Variants in VPS13C observed in about 807,000 individuals in gnomAD.
The protein encoded by VPS13C is intermembrane lipid transfer protein VPS13C.
In VPS13C, 358 loss-of-function variants were observed where a neutral mutation model predicts 456.8. The observed-to-expected ratio is 0.78, with a 90% confidence interval of 0.72 to 0.86. The LOEUF is 0.86. Ranked by LOEUF, VPS13C falls within the 40% of genes least tolerant of loss-of-function variation. The pLI, the probability that VPS13C is intolerant of heterozygous loss-of-function variation, is 0.00. For missense variants in VPS13C, 4,818 were observed against 4,385.4 expected (o/e 1.10, Z -2.79); for synonymous variants, 1,578 against 1,486.7 (o/e 1.06, Z -1.41).
intron 53 of VPS13C, among the ~76,000 whole-genome samples, chr15:61,924,079 GA>G (rs2043757915): frequency 6.6e-6 from 1 of 151,224 alleles, no homozygotes; most frequent in Non-Finnish European, 1.5e-5. Flanking sequence ...TTTTAGCCGG[GA>G]TGGTCTCGAT....
chr15:61,992,876 T>A (rs768430046), intron 16 of VPS13C, among the ~76,000 whole-genome samples: 32 of 150,348 alleles, frequency 2.1e-4, no homozygotes, highest in Non-Finnish European at 4.0e-4. Context: ...AAAGAGGTAT[T>A]TTTTTTTTAA....
In VPS13C at chr15:61,873,328, T is replaced by G; in HGVS notation, c.10496A>C (p.Gln3499Pro). The G allele has an allele frequency of 6.2e-7, 1 of 1,613,768 alleles. No individual in the cohort carries two copies. The highest frequency in any genetic ancestry group is 8.5e-7 in the Non-Finnish European group (1 of 1,179,752). The change falls in exon 78 of 85, where the codon CAG (glutamine) becomes CCG (proline). Residue 3499 changes from glutamine (Q) to proline (P), a missense_variant. Physicochemically the swap from Gln to Pro is moderately conservative, Grantham distance 76. Around this residue, in one of 3 missense-constraint regions of VPS13C, gnomAD observed 4,552 missense variants for 4,130.6 expected, o/e 1.10. Transcript: ENST00000644861. ...ACTCAACTCTTCTCTTCTTTTTTGC[T>G]GATATTCCTTGTCCATTGTAATTGC... ...LAAITMDKEY[Q>P]QKRREELSRQ...
At position 61,927,149 on chromosome 15, in the gene VPS13C, T is replaced by A; in HGVS notation, c.6458A>T (p.Asp2153Val). Reference protein sequence around the residue: ...LEQMMEASVRDLKVLACPFLR... With the variant: ...LEQMMEASVRVLKVLACPFLR... Reference sequence around the variant, plus strand: ...AAAAGGGCAAGCGAGCACTTTCAGATCTCTCACAGAAGCTTCCATCATCTG... The same window carrying A: ...AAAAGGGCAAGCGAGCACTTTCAGAACTCTCACAGAAGCTTCCATCATCTG... The change falls in exon 52 of 85, where the codon GAT becomes GTT. Residue 2153 changes from aspartate (D) to valine (V), a missense_variant. Asp to Val is a radical substitution (Grantham distance 152). Coordinates refer to ENST00000644861, the MANE Select transcript of VPS13C (RefSeq NM_020821.3). The A allele has an allele frequency of 6.2e-7, 1 of 1,614,172 alleles. No individual in the cohort carries two copies. Among genetic ancestry groups the A allele is most frequent in the Non-Finnish European group, 8.5e-7 (1 of 1,180,024 alleles).
In VPS13C at chr15:61,885,949, C is replaced by T. The variant is rs143346418; in HGVS notation, c.9342-1680G>A. Among the ~76,000 whole-genome samples, 664 of 152,214 alleles carry T rather than the reference C, an allele frequency of 4.4e-3. 5 individuals carry two copies. Among genetic ancestry groups the T allele is most frequent in the African/African-American group, 0.016 (644 of 41,546 alleles). On this transcript the variant is annotated intron_variant, in intron 67 of 84. Coordinates refer to ENST00000644861, the MANE Select transcript of VPS13C (RefSeq NM_020821.3). ...GTAACATCTGTTGACTCATCAAGAG[C>T]CAAAGGAAACCACTCAATATCATTT...
chr15:61,893,998 G>A (rs1395084960), intron 66 of VPS13C, among the ~76,000 whole-genome samples: 2 of 152,008 alleles, frequency 1.3e-5, no homozygotes, highest in African/African-American at 4.8e-5. Flanking sequence ...AAGAAAGAAA[G>A]AGGGGCATTA....
rs370306864 is a variant in VPS13C, at chr15:62,037,454, A to G, written c.188-2402T>C. On this transcript the variant is annotated intron_variant, in intron 3 of 84. Coordinates refer to ENST00000644861, the MANE Select transcript of VPS13C (RefSeq NM_020821.3). ...AATATAATATATATTAAATAAATATATAAATATAATATAATAAATTTATTA... is the reference window on the plus strand; with the variant it reads ...AATATAATATATATTAAATAAATATGTAAATATAATATAATAAATTTATTA... 2.1e-3 allele frequency among the ~76,000 whole-genome samples: 273 copies of G among 129,690 alleles called. 9 individuals are homozygous for G. In the East Asian group the frequency reaches 0.051, roughly 24 times the overall value. 85.1% of individuals were successfully genotyped at this position (129,690 alleles called of 152,430 possible).
Position 61,922,022 on chromosome 15 carries a change from G to GT in VPS13C, c.6986dup (p.Tyr2329Ter), listed in dbSNP as rs752406263. The change falls in exon 55 of 85, where the codon TAC (tyrosine) becomes TAAC (stop). Residue 2329 changes from tyrosine (Y) to a stop codon, truncating the protein, a stop_gained and frameshift_variant. Coordinates refer to ENST00000644861, the MANE Select transcript of VPS13C (RefSeq NM_020821.3). LOFTEE classifies it high-confidence loss of function. ...VADVTLQVHY[Y>*]NEIHAVWEPL... ...GCTCCCAGACAGCATGGATCTCATT[G>GT]TAATAGTGCACCTGGAAAGATACAC... is the stretch of plus-strand genomic sequence containing the variant. 1 of 1,613,524 alleles carries GT rather than the reference G, an allele frequency of 6.2e-7. No homozygotes were observed. The highest frequency in any genetic ancestry group is 1.1e-5 in the South Asian group (1 of 91,052).
intron 47 of VPS13C, among the ~76,000 whole-genome samples, 161 bp from the exon 48 acceptor site, chr15:61,936,911 T>A (rs2044245519): frequency 1.3e-5 from 2 of 152,232 alleles, no homozygotes. Context: ...TATTTCACCT[T>A]GTTTACTGTG....
At chr15:62,020,158 C>T (rs1163264052) in intron 9 of VPS13C, among the ~76,000 whole-genome samples, 3 of 151,788 alleles carry the variant, frequency 2.0e-5, no homozygotes, top group Non-Finnish European at 4.4e-5. Flanking sequence ...TTCCATCTAC[C>T]TATACCGAAG....
At chr15:61,888,752 C>A (rs927937027) in intron 67 of VPS13C, among the ~76,000 whole-genome samples, 3 of 152,076 alleles carry the variant, frequency 2.0e-5, no homozygotes, top group Non-Finnish European at 4.4e-5. Context: ...GGCAGTGAAA[C>A]TATCTTATAT....
intron 79 of VPS13C, among the ~76,000 whole-genome samples, chr15:61,871,410 G>A (rs909631095): frequency 1.3e-5 from 2 of 152,098 alleles, no homozygotes; most frequent in African/African-American, 4.8e-5. Context: ...ATAAGTAAGA[G>A]TCTATTTCTG....
Position 61,983,858 on chromosome 15 carries a change from T to C in VPS13C, c.1876A>G (p.Ile626Val). 6.2e-7 allele frequency: 1 copy of C among 1,614,146 alleles called. No homozygotes were observed. Among genetic ancestry groups the C allele is most frequent in the Non-Finnish European group, 8.5e-7 (1 of 1,179,990 alleles). The change falls in exon 20 of 85, where the codon ATT becomes GTT. Residue 626 changes from isoleucine (I) to valine (V), a missense_variant. Around this residue, in one of 3 missense-constraint regions of VPS13C, gnomAD observed 4,552 missense variants for 4,130.6 expected, o/e 1.10. Coordinates refer to ENST00000644861, the MANE Select transcript of VPS13C (RefSeq NM_020821.3). ...PEDSPADQTL[I>V]VQSQPVEVIY... is the part of the protein sequence containing the mutation. ...ACCTCCACAGGCTGGGACTGAACAA[T>C]CAGAGTCTGGTCAGCAGGACTATCC...
intron 45 of VPS13C, among the ~76,000 whole-genome samples, chr15:61,944,409 T>C (rs2044535985): frequency 6.6e-6 from 1 of 151,996 alleles, no homozygotes; most frequent in Admixed American, 6.6e-5. Flanking sequence ...GTGGACTAGA[T>C]AAAGGAAACG....
chr15:61,962,549 G>A lies in VPS13C; in HGVS notation c.3436-11C>T. 6.2e-7 allele frequency: 1 copy of A among 1,605,320 alleles called. No homozygotes were observed. Among genetic ancestry groups the A allele is most frequent in the Non-Finnish European group, 8.5e-7 (1 of 1,175,030 alleles). On this transcript the variant is annotated splice_polypyrimidine_tract_variant and intron_variant, in intron 33 of 84. Coordinates refer to ENST00000644861, the MANE Select transcript of VPS13C (RefSeq NM_020821.3). ...CATTATTGACACAGCCTGAAAAACA[G>A]AGACTTGAATGTACTCTATCCGGGA...
chr15:62,023,276 G>T, intron 8 of VPS13C, 135 bp downstream of exon 8: 1 of 451,976 alleles, frequency 2.2e-6, no homozygotes, highest in Non-Finnish European at 3.9e-6. Context: ...AACACAAGAG[G>T]ATATGGTAGT....
At chr15:61,953,661 C>T (rs2044883666) in intron 38 of VPS13C, among the ~76,000 whole-genome samples, 1 of 151,872 alleles carries the variant, frequency 6.6e-6, no homozygotes, top group African/African-American at 2.4e-5. Context: ...GGGTTGGTTC[C>T]AAGTCTTTGC....
At chr15:61,863,312 ACATTTTGCCATTC>A in intron 82 of VPS13C, 115 bp downstream of exon 82, 1 of 636,428 alleles carries the variant, frequency 1.6e-6, no homozygotes, top group Non-Finnish European at 2.7e-6. Flanking sequence ...ATGAAAATGA[ACATTTTGCCATTC>A]ACTTTGGAGA....
chr15:61,961,442 C>CACACAA (rs2045203511), intron 35 of VPS13C, 147 bp downstream of exon 35: 1 of 557,164 alleles, frequency 1.8e-6, no homozygotes, highest in African/African-American at 2.2e-5. Context: ...CACACACACA[C>CACACAA]AAAACAATGA....
In VPS13C at chr15:62,013,919, T is replaced by C; in HGVS notation, c.744+14A>G. 4 of 1,586,766 alleles carry C rather than the reference T, an allele frequency of 2.5e-6. No individual in the cohort carries two copies. The highest frequency in any genetic ancestry group is 4.5e-5 in the East Asian group (2 of 44,634). On this transcript the variant is annotated intron_variant, in intron 10 of 84. Coordinates refer to ENST00000644861, the MANE Select transcript of VPS13C (RefSeq NM_020821.3). ...CCTAGGAAACTAACAAAAATTTTTATTCCAACATAATACCTTGTATATAAT... is the reference window on the plus strand; with the variant it reads ...CCTAGGAAACTAACAAAAATTTTTACTCCAACATAATACCTTGTATATAAT...
Sources: allele counts gnomAD v4.1 joint callset (sites outside exome capture counted in the v4.1 genomes callset), GRCh38; gene constraint gnomAD v4.1.1; regional missense constraint gnomAD v4.1.1; transcripts MANE v1.5; gene names NCBI Gene and HGNC (gene_info 2026-07-23, HGNC 2026-07-21).